The following CDH7 variants were observed in gnomAD, a reference collection of about 807,000 sequenced individuals.
The protein encoded by CDH7 is cadherin 7, also known as cadherin-7.
In CDH7, 25 loss-of-function variants were observed where a neutral mutation model predicts 71.8. The observed-to-expected ratio is 0.35, with a 90% CI of 0.25 to 0.49. CDH7 has a LOEUF of 0.49. CDH7 is among the 20% of genes least tolerant of loss of function. CDH7 has a pLI of 0.99. For synonymous variants in CDH7, 381 were observed against 363.8 expected (o/e 1.05, Z -0.54); for missense variants, 862 against 974.6 (o/e 0.88, Z 1.54).
chr18:65,772,937 A>T (rs1397395526), intron 2 of CDH7, among the ~76,000 whole-genome samples: 1 of 152,158 alleles, frequency 6.6e-6, no homozygotes, highest in Non-Finnish European at 1.5e-5. Context: ...AATGATTAAC[A>T]TCTTATAATA....
chr18:65,835,822 C>T (rs1383294441), intron 6 of CDH7, among the ~76,000 whole-genome samples: 1 of 152,124 alleles, frequency 6.6e-6, no homozygotes, highest in African/African-American at 2.4e-5. Flanking sequence ...AATGCCTCCT[C>T]CTCAAAAAGA....
At chr18:65,785,997 A>G (rs1910499375) in intron 2 of CDH7, among the ~76,000 whole-genome samples, 1 of 152,220 alleles carries the variant, frequency 6.6e-6, no homozygotes, top group Non-Finnish European at 1.5e-5. Flanking sequence ...TTTCCCGTAC[A>G]TTAGCATGCA....
Position 65,764,993 on chromosome 18 carries a change from ATTGTGTAGTTTC to A in CDH7, c.210+1945_210+1956del, listed in dbSNP as rs1357071846. Among the ~76,000 whole-genome samples, 11 of 152,176 alleles carry A rather than the reference ATTGTGTAGTTTC, an allele frequency of 7.2e-5. No homozygotes were observed. In the South Asian group the frequency reaches 2.1e-3, roughly 29 times the overall value. On this transcript the variant is annotated intron_variant, in intron 2 of 11. Transcript: ENST00000397968. ...CAAAGGTGTTATTTTTCTAAGAGAA[ATTGTGTAGTTTC>A]TTGATTAGGTAACAAGAAATATTAT...
intron 11 of CDH7, among the ~76,000 whole-genome samples, chr18:65,875,756 G>A (rs528825875): frequency 3.3e-5 from 5 of 152,028 alleles, no homozygotes; most frequent in Non-Finnish European, 7.4e-5. Flanking sequence ...GGGCAATATG[G>A]TGAAACCCTG....
At chr18:65,858,849 G>C (rs1913458315) in intron 8 of CDH7, 76 bp from the exon 9 acceptor site, 1 of 1,421,706 alleles carries the variant, frequency 7.0e-7, no homozygotes, top group Non-Finnish European at 9.8e-7. Context: ...TTCATTCTCA[G>C]CTTCGTCATT....
Position 65,888,289 on chromosome 18 carries a change from G to A in CDH7, c.*7395G>A, listed in dbSNP as rs928586740. On this transcript the variant is annotated 3_prime_UTR_variant, in exon 12 of 12. Coordinates refer to ENST00000397968, the MANE Select transcript of CDH7 (RefSeq NM_004361.5). ...AGGAAGACAAGCCGTGAGAATGTGA[G>A]ACCTCAGTATATTGCTGTGTTTTAT... The A allele has an allele frequency of 1.1e-4, 17 of 152,152 alleles. No homozygotes were observed. Among genetic ancestry groups the A allele is most frequent in the African/African-American group, 4.1e-4 (17 of 41,434 alleles). 9.4% of individuals were successfully genotyped at this position (152,152 alleles called of 1,614,324 possible).
Position 65,886,514 on chromosome 18 carries a change from C to A in CDH7, c.*5620C>A, listed in dbSNP as rs1355950139. On this transcript the variant is annotated 3_prime_UTR_variant, in exon 12 of 12. Transcript: ENST00000397968. ...TGTGAATGGGATTATAAATAAAGAACAAATCTTTCTTACTTATAATGATAA... is the reference window on the plus strand; with the variant it reads ...TGTGAATGGGATTATAAATAAAGAAAAAATCTTTCTTACTTATAATGATAA... The A allele has an allele frequency of 6.6e-6, 1 of 151,938 alleles. No homozygotes were observed. Among genetic ancestry groups the A allele is most frequent in the East Asian group, 1.9e-4 (1 of 5,182 alleles). 9.4% of individuals were successfully genotyped at this position (151,938 alleles called of 1,614,324 possible). A position where few individuals can be genotyped will look rare whatever the true frequency, so the allele number is the denominator to read the frequency against.
intron 2 of CDH7, among the ~76,000 whole-genome samples, chr18:65,769,487 T>G (rs1916479331): frequency 6.6e-6 from 1 of 152,216 alleles, no homozygotes; most frequent in Non-Finnish European, 1.5e-5. Context: ...CTAATCCAGC[T>G]TTTGCAAATA....
chr18:65,868,618 ACT>A (rs879606249), intron 11 of CDH7, among the ~76,000 whole-genome samples: 1 of 152,054 alleles, frequency 6.6e-6, no homozygotes, highest in Admixed American at 6.5e-5. Context: ...TATTCGGTTA[ACT>A]CTGAGTGTCT....
intron 11 of CDH7, chr18:65,865,139 CTT>C (rs943302329): frequency 3.4e-4 from 51 of 152,236 alleles, no homozygotes; most frequent in Middle Eastern, 3.4e-3. Flanking sequence ...GCTTGCTTCA[CTT>C]TAGTAAACAC....
chr18:65,875,272 G>C (rs768387914), intron 11 of CDH7, among the ~76,000 whole-genome samples: 10 of 152,140 alleles, frequency 6.6e-5, no homozygotes, highest in Non-Finnish European at 1.0e-4. Context: ...GGAAAGAAGG[G>C]ATACTTATTG....
chr18:65,861,739 G>A (rs1913572064), intron 10 of CDH7, among the ~76,000 whole-genome samples: 1 of 152,090 alleles, frequency 6.6e-6, no homozygotes, highest in South Asian at 2.1e-4. Context: ...TTTCACTAGA[G>A]TACCGTTAAT....
At chr18:65,856,772 C>T (rs1156985016) in intron 7 of CDH7, among the ~76,000 whole-genome samples, 2 of 151,944 alleles carry the variant, frequency 1.3e-5, no homozygotes, top group African/African-American at 4.8e-5. Context: ...CTCACCCAAC[C>T]AGAAAGACTG....
intron 1 of CDH7, among the ~76,000 whole-genome samples, chr18:65,760,359 G>T (rs1916155948): frequency 1.3e-5 from 2 of 152,094 alleles, no homozygotes; most frequent in Non-Finnish European, 2.9e-5. Flanking sequence ...ATATTTATCC[G>T]ATGCAGACAC....
At chr18:65,851,693 C>T (rs1913156020) in intron 7 of CDH7, among the ~76,000 whole-genome samples, 2 of 152,168 alleles carry the variant, frequency 1.3e-5, no homozygotes, top group Admixed American at 6.5e-5. Context: ...TACATGAAAA[C>T]TCATTTTAAA....
rs779511552 is a variant in CDH7, at chr18:65,824,799, G to A, written c.949G>A (p.Glu317Lys). Residue 317 changes from glutamate (E) to lysine (K), a missense_variant, in exon 6 of 12, where the codon GAA becomes AAA. Glu to Lys is a moderately conservative substitution (Grantham distance 56). Transcript: ENST00000397968. The part of the protein sequence containing the change: ...LGIFKISVDK[E>K]TQEGIITIQK... ...CATTTTTAAGATTTCTGTTGACAAA[G>A]AAACCCAGGAAGGAATCATTACTAT... 21 of 1,611,468 alleles carry A rather than the reference G, an allele frequency of 1.3e-5. No individual in the cohort carries two copies. The highest frequency in any genetic ancestry group is 1.8e-5 in the Non-Finnish European group (21 of 1,178,194).
At chr18:65,874,554 A>C (rs1292656955) in intron 11 of CDH7, among the ~76,000 whole-genome samples, 1 of 152,016 alleles carries the variant, frequency 6.6e-6, no homozygotes, top group East Asian at 1.9e-4. Flanking sequence ...GGGTTGAAAA[A>C]CTACCTGTTG....
rs1599069224 is a variant in CDH7, at chr18:65,876,491, A to C, written c.1865-3910A>C. ...GTGCCTACAGCTCCAACCTTACCTCACCTCTTTCTTTGCCCTCCAGCCACG... is the reference window on the plus strand; with the variant it reads ...GTGCCTACAGCTCCAACCTTACCTCCCCTCTTTCTTTGCCCTCCAGCCACG... On this transcript the variant is annotated intron_variant, in intron 11 of 11. Coordinates refer to ENST00000397968, the MANE Select transcript of CDH7 (RefSeq NM_004361.5). Among the ~76,000 whole-genome samples the C allele has an allele frequency of 2.0e-5, 3 of 151,610 alleles. No individual in the cohort carries two copies. In the South Asian group the frequency reaches 6.2e-4, roughly 32 times the overall value.
chr18:65,816,770 A>C (rs1911738997), intron 4 of CDH7, among the ~76,000 whole-genome samples: 2 of 152,148 alleles, frequency 1.3e-5, no homozygotes, highest in African/African-American at 4.8e-5. Flanking sequence ...TTGACAGTTG[A>C]CTTTAACAAG....
Sources: allele counts gnomAD v4.1 joint callset (sites outside exome capture counted in the v4.1 genomes callset), GRCh38; gene constraint gnomAD v4.1.1; transcripts MANE v1.5; gene names NCBI Gene and HGNC (gene_info 2026-07-23, HGNC 2026-07-21).